Variants in PPM1H observed in about 807,000 individuals in gnomAD.
The protein encoded by PPM1H is protein phosphatase 1H.
In PPM1H, 27 loss-of-function variants were observed where a neutral mutation model predicts 54.9. That is an observed-to-expected ratio of 0.49 (90% confidence interval 0.36 to 0.68). PPM1H has a LOEUF of 0.68. Among genes scored for constraint, PPM1H ranks in the 30% least tolerant of loss-of-function variants. The pLI, the probability that PPM1H is intolerant of heterozygous loss-of-function variation, is 0.00. For synonymous variants in PPM1H, 305 were observed against 270.8 expected (o/e 1.13, Z -1.24); for missense variants, 596 against 667.8 (o/e 0.89, Z 1.19).
At chr12:62,926,395 C>T (rs906668485) in intron 1 of PPM1H, among the ~76,000 whole-genome samples, 1 of 152,026 alleles carries the variant, frequency 6.6e-6, no homozygotes, top group Non-Finnish European at 1.5e-5. Context: ...CAGTAAGTAG[C>T]TAAAAGGAGT....
intron 1 of PPM1H, among the ~76,000 whole-genome samples, chr12:62,862,279 T>C (rs1869629336): frequency 6.6e-6 from 1 of 152,162 alleles, no homozygotes; most frequent in Non-Finnish European, 1.5e-5. Context: ...AGAGTTCTAA[T>C]GGTCAGAAGA....
chr12:62,908,455 A>G (rs1007573659), intron 1 of PPM1H, among the ~76,000 whole-genome samples: 2 of 150,626 alleles, frequency 1.3e-5, no homozygotes, highest in African/African-American at 4.9e-5. Flanking sequence ...AGTTTTGCTC[A>G]TTTTTATTTT....
At chr12:62,868,539 C>T (rs770962535) in intron 1 of PPM1H, among the ~76,000 whole-genome samples, 2 of 152,150 alleles carry the variant, frequency 1.3e-5, no homozygotes, top group Non-Finnish European at 2.9e-5. Context: ...TCTTATTGAC[C>T]GCTACTGAAA....
intron 2 of PPM1H, among the ~76,000 whole-genome samples, chr12:62,824,828 G>C (rs1337918179): frequency 6.6e-6 from 1 of 152,074 alleles, no homozygotes. Flanking sequence ...TACCATTCAG[G>C]ACATAGGCAT....
intron 5 of PPM1H, among the ~76,000 whole-genome samples, chr12:62,723,493 G>A (rs553398131): frequency 6.6e-4 from 100 of 152,214 alleles, no homozygotes; most frequent in African/African-American, 2.3e-3. Context: ...TTTTTGGGAG[G>A]TGTTTAGGCC....
At chr12:62,876,055 C>T (rs1233632558) in intron 1 of PPM1H, among the ~76,000 whole-genome samples, 1 of 152,178 alleles carries the variant, frequency 6.6e-6, no homozygotes, top group Non-Finnish European at 1.5e-5. Context: ...TGAATGGTAA[C>T]ACAGAAGGCA....
At chr12:62,919,984 G>T (rs772796670) in intron 1 of PPM1H, among the ~76,000 whole-genome samples, 1 of 152,138 alleles carries the variant, frequency 6.6e-6, no homozygotes, top group Non-Finnish European at 1.5e-5. Context: ...AACACCAGCT[G>T]CTGTAGTCAG....
chr12:62,894,876 A>T (rs1167691130), intron 1 of PPM1H, among the ~76,000 whole-genome samples: 1 of 152,240 alleles, frequency 6.6e-6, no homozygotes, highest in Admixed American at 6.5e-5. Flanking sequence ...ATTAAGCCCT[A>T]CCAAATAATA....
At chr12:62,929,994 G>A (rs910244986) in intron 1 of PPM1H, among the ~76,000 whole-genome samples, 1 of 152,112 alleles carries the variant, frequency 6.6e-6, no homozygotes, top group Non-Finnish European at 1.5e-5. Flanking sequence ...AGAGGGGCAG[G>A]TATGCCAGGA....
intron 6 of PPM1H, among the ~76,000 whole-genome samples, chr12:62,695,894 G>A (rs1348350968): frequency 6.6e-6 from 1 of 152,184 alleles, no homozygotes; most frequent in Non-Finnish European, 1.5e-5. Flanking sequence ...CATGTGGAGA[G>A]TGAGGAGACA....
chr12:62,737,233 CA>C (rs1226289936), intron 5 of PPM1H, among the ~76,000 whole-genome samples: 6 of 123,530 alleles, frequency 4.9e-5, no homozygotes, highest in African/African-American at 1.9e-4. Flanking sequence ...AAAAAAAAAA[CA>C]AAAAAAACAA....
chr12:62,846,343 T>A (rs556087867), intron 1 of PPM1H, among the ~76,000 whole-genome samples: 1 of 151,260 alleles, frequency 6.6e-6, no homozygotes, highest in East Asian at 1.9e-4. Flanking sequence ...CTAAAAAAAA[T>A]ACAAAAATTA....
intron 2 of PPM1H, among the ~76,000 whole-genome samples, chr12:62,810,181 G>A (rs1016419783): frequency 8.5e-5 from 13 of 152,154 alleles, no homozygotes; most frequent in Non-Finnish European, 1.8e-4. Flanking sequence ...CAGTAGCTTG[G>A]CAAATAGGGA....
intron 1 of PPM1H, among the ~76,000 whole-genome samples, chr12:62,843,490 A>G (rs12296955): frequency 0.04 from 6,057 of 152,318 alleles, 377 homozygotes; most frequent in African/African-American, 0.14. Context: ...AGCCATTCTG[A>G]TATCTTCTTA....
At chr12:62,887,309 C>G (rs1261337972) in intron 1 of PPM1H, among the ~76,000 whole-genome samples, 1 of 152,196 alleles carries the variant, frequency 6.6e-6, no homozygotes, top group Non-Finnish European at 1.5e-5. Flanking sequence ...CTTTCTTAAA[C>G]ATCTACCATG....
At chr12:62,742,240 T>G (rs1211626961) in intron 4 of PPM1H, among the ~76,000 whole-genome samples, 1 of 152,248 alleles carries the variant, frequency 6.6e-6, no homozygotes, top group Non-Finnish European at 1.5e-5. Flanking sequence ...AATCCATCTA[T>G]GTACAGAACA....
chr12:62,708,563 T>C (rs183157802), intron 6 of PPM1H, among the ~76,000 whole-genome samples: 1 of 151,924 alleles, frequency 6.6e-6, no homozygotes, highest in East Asian at 1.9e-4. Flanking sequence ...CCTTGGTGGG[T>C]TTGTGAGTAC....
At chr12:62,903,076 G>A (rs1871205232) in intron 1 of PPM1H, among the ~76,000 whole-genome samples, 1 of 152,064 alleles carries the variant, frequency 6.6e-6, no homozygotes, top group Admixed American at 6.6e-5. Context: ...CTCACTATGT[G>A]AGTTGTCACC....
intron 1 of PPM1H, among the ~76,000 whole-genome samples, chr12:62,917,628 A>G (rs757029691): frequency 1.7e-4 from 26 of 152,226 alleles, no homozygotes; most frequent in Non-Finnish European, 2.9e-4. Flanking sequence ...TCCTTTCTGG[A>G]CAATATAGTA....
Sources: allele counts gnomAD v4.1 joint callset (sites outside exome capture counted in the v4.1 genomes callset), GRCh38; gene constraint gnomAD v4.1.1; transcripts MANE v1.5; gene names NCBI Gene and HGNC (gene_info 2026-07-23, HGNC 2026-07-21).